The following ZNF91 variants were observed in gnomAD, a reference collection of about 807,000 sequenced individuals.
The protein encoded by ZNF91 is zinc finger protein 91, also known as zinc finger protein 91 (HPF7, HTF10).
A neutral mutation model predicts 12.6 loss-of-function variants in ZNF91; 7 were observed. That is an observed-to-expected ratio of 0.55 (90% CI 0.31 to 1.04). The LOEUF is 1.04. Ranked by LOEUF, ZNF91 falls within the 50% of genes least tolerant of loss-of-function variation. ZNF91 has a pLI of 0.05. For missense variants in ZNF91, 1,217 were observed against 1,385.4 expected, an observed-to-expected ratio of 0.88 and a Z score of 1.93; for synonymous variants, 453 against 462.6, an observed-to-expected ratio of 0.98 and a Z score of 0.27.
intron 3 of ZNF91, among the ~76,000 whole-genome samples, chr19:23,351,142 A>G (rs956849219): frequency 1.3e-5 from 2 of 152,154 alleles, no homozygotes; most frequent in African/African-American, 4.8e-5. Context: ...CCTGGCCAAC[A>G]TGGTGAAACC....
chr19:23,342,194 G>A (rs1968139293), intron 3 of ZNF91: 2 of 558,126 alleles, frequency 3.6e-6, no homozygotes, highest in African/African-American at 1.8e-5. Context: ...ACTGTCTCAT[G>A]TCTCTTCACA....
intron 3 of ZNF91, among the ~76,000 whole-genome samples, chr19:23,369,075 G>T (rs1174125794): frequency 6.6e-6 from 1 of 152,064 alleles, no homozygotes; most frequent in Non-Finnish European, 1.5e-5. Flanking sequence ...ACTTTGGGAG[G>T]CCGTGGCAGG....
chr19:23,326,302 C>T (rs1375728678), intron 1 of ZNF91: 1 of 152,132 alleles, frequency 6.6e-6, no homozygotes, highest in Non-Finnish European at 1.5e-5. Context: ...ATGGTTGGTG[C>T]TCACTGACTA....
At chr19:23,317,777 T>C (rs1967597960) in intron 1 of ZNF91, among the ~76,000 whole-genome samples, 1 of 152,130 alleles carries the variant, frequency 6.6e-6, no homozygotes, top group Non-Finnish European at 1.5e-5. Flanking sequence ...TAAGGAGGCA[T>C]AGTGCACAGA....
intron 3 of ZNF91, among the ~76,000 whole-genome samples, chr19:23,367,754 C>A (rs1163031699): frequency 6.6e-6 from 1 of 152,066 alleles, no homozygotes; most frequent in Non-Finnish European, 1.5e-5. Flanking sequence ...AATAATCTCC[C>A]ACAAAATTGA....
chr19:23,342,159 T>C lies in ZNF91; in HGVS notation c.254-3105A>G, dbSNP rs1968138601. The C allele has an allele frequency of 1.1e-5, 5 of 472,322 alleles. No individual in the cohort carries two copies. The East Asian group carries it at 1.6e-4, about 15-fold the overall frequency. 29.3% of individuals were successfully genotyped at this position (472,322 alleles called of 1,614,324 possible). The stretch of plus-strand genomic sequence containing the variant: ...TCGTCTCTGTTATCTGCTTCATTCA[T>C]GCTTACCTACCTGAGAAGCTGACTA... On this transcript the variant is annotated intron_variant, in intron 3 of 3. Coordinates refer to the ZNF91 transcript ENST00000599743.
At position 23,360,424 on chromosome 19, in the gene ZNF91, T is replaced by C. The variant is rs1405595795; in HGVS notation, c.2555A>G (p.Lys852Arg). The change falls in exon 4 of 4, where the codon AAA becomes AGA. Residue 852 changes from lysine to arginine, a missense_variant. Lys to Arg is a conservative substitution (Grantham distance 26). This residue lies in a region of ZNF91 where 491 missense variants were observed against 489.8 expected (regional missense o/e 1.00). Coordinates refer to ENST00000300619, the MANE Select transcript of ZNF91 (RefSeq NM_003430.4). ...GCCACATTCCTCACATTTGTAGAGT[T>C]TCTCTCCAGCATGTATTATTTTATG... The part of the protein sequence containing the change: ...AKHKIIHAGE[K>R]LYKCEECGKA... 6.2e-7 allele frequency: 1 copy of C among 1,614,118 alleles called. No homozygotes were observed. The highest frequency in any genetic ancestry group is 8.5e-7 in the Non-Finnish European group (1 of 1,180,002).
At chr19:23,348,160 T>A (rs933933182) in intron 3 of ZNF91, among the ~76,000 whole-genome samples, 74 of 152,114 alleles carry the variant, frequency 4.9e-4, no homozygotes, top group Admixed American at 4.8e-3. Context: ...CTCACCAAGT[T>A]GGCTCTAGTA....
chr19:23,357,144 T>C (rs1251778966), downstream of ZNF91, among the ~76,000 whole-genome samples: 1 of 152,134 alleles, frequency 6.6e-6, no homozygotes, highest in East Asian at 1.9e-4. Context: ...GGAGAACTGC[T>C]TGAACCTGAA....
chr19:23,323,194 A>C, intron 1 of ZNF91, among the ~76,000 whole-genome samples: 4 of 123,002 alleles, frequency 3.3e-5, no homozygotes, highest in East Asian at 2.4e-4. Context: ...TCTCCTATCC[A>C]CATTCTCCTC....
chr19:23,346,839 GCTAGCTCACCGCAGTTTCCT>G (rs1363038729), intron 3 of ZNF91, among the ~76,000 whole-genome samples: 11 of 152,228 alleles, frequency 7.2e-5, no homozygotes, highest in African/African-American at 2.6e-4. Flanking sequence ...AGAAAGACAT[GCTAGCTCACCGCAGTTTCCT>G]CTCTCCCCCA....
intron 3 of ZNF91, among the ~76,000 whole-genome samples, chr19:23,364,362 C>T (rs777900683): frequency 3.9e-5 from 6 of 152,138 alleles, no homozygotes; most frequent in Non-Finnish European, 8.8e-5. Context: ...AGGAGAATCA[C>T]TTGAACCCGG....
intron 3 of ZNF91, among the ~76,000 whole-genome samples, chr19:23,365,619 G>C (rs1568389227): frequency 6.6e-6 from 1 of 151,774 alleles, no homozygotes; most frequent in Non-Finnish European, 1.5e-5. Context: ...TCGCAGAGAG[G>C]GATTTGGCAG....
At position 23,359,530 on chromosome 19, in the gene ZNF91, G is replaced by GT. The variant is rs1968623462; in HGVS notation, c.3448dup (p.Thr1150AsnfsTer2). 6 of 1,614,022 alleles carry GT rather than the reference G, an allele frequency of 3.7e-6. No individual in the cohort carries two copies. The highest frequency in any genetic ancestry group is 5.1e-6 in the Non-Finnish European group (6 of 1,179,918). ...GATAGTATGAATTTTCTTATGGTTA[G>GT]TAAGGATTGAAGACTGGTTAAAGGC... On this transcript the variant is annotated frameshift_variant, in exon 4 of 4. Coordinates refer to ENST00000300619, the MANE Select transcript of ZNF91 (RefSeq NM_003430.4). LOFTEE classifies it low-confidence loss of function (END_TRUNC).
intron 1 of ZNF91, among the ~76,000 whole-genome samples, chr19:23,391,486 T>G (rs896253481): frequency 2.0e-5 from 3 of 152,176 alleles, no homozygotes; most frequent in African/African-American, 7.2e-5. Flanking sequence ...TTGTTTGCTT[T>G]TCCCTAGGAA....
At chr19:23,370,749 T>C (rs1434511503) in intron 3 of ZNF91, among the ~76,000 whole-genome samples, 1 of 152,134 alleles carries the variant, frequency 6.6e-6, no homozygotes, top group Non-Finnish European at 1.5e-5. Flanking sequence ...CAAGCAATCC[T>C]CCTGTCCTGG....
chr19:23,354,707 T>C (rs1968446300), downstream of ZNF91, among the ~76,000 whole-genome samples: 1 of 152,144 alleles, frequency 6.6e-6, no homozygotes, highest in Non-Finnish European at 1.5e-5. Context: ...TGTGATCATT[T>C]ACCTTGAAAA....
At chr19:23,306,794 ATTTT>A (rs1429376950) in intron 3 of ZNF91, 1 of 150,624 alleles carries the variant, frequency 6.6e-6, no homozygotes, top group Non-Finnish European at 1.5e-5. Flanking sequence ...TCCTTTCTTT[ATTTT>A]TTTTTCTTTT....
intron 1 of ZNF91, among the ~76,000 whole-genome samples, chr19:23,387,522 G>T (rs1969910356): frequency 6.6e-6 from 1 of 152,096 alleles, no homozygotes; most frequent in African/African-American, 2.4e-5. Context: ...TTTGAGACCA[G>T]CCTGAGCAAT....
Sources: gnomAD v4.1 joint callset for allele counts (sites outside exome capture counted in the v4.1 genomes callset) on GRCh38, gnomAD v4.1.1 for gene constraint, gnomAD v4.1.1 regional missense constraint, MANE v1.5 for transcripts, NCBI Gene and HGNC (gene_info 2026-07-23, HGNC 2026-07-21) for gene names.